The following THSD4 variants were observed in gnomAD, a reference collection of about 807,000 sequenced individuals.
The protein encoded by THSD4 is thrombospondin type-1 domain-containing protein 4.
THSD4 carries 69 observed loss-of-function variants against 119.0 expected under a neutral mutation model. The ratio of observed to expected loss-of-function variants is 0.58; its 90% confidence interval spans 0.48 to 0.71. The LOEUF (loss-of-function observed/expected upper bound fraction) is 0.71. Ranked by LOEUF, THSD4 falls within the 30% of genes least tolerant of loss-of-function variation. THSD4 has a pLI of 0.00. For missense variants in THSD4, 1,393 were observed against 1,391.1 expected (o/e 1.00, Z -0.02); for synonymous variants, 524 against 540.4 (o/e 0.97, Z 0.42).
At chr15:71,721,537 G>C (rs1187823275) in intron 8 of THSD4, among the ~76,000 whole-genome samples, 2 of 149,728 alleles carry the variant, frequency 1.3e-5, no homozygotes, top group Non-Finnish European at 1.5e-5. Flanking sequence ...GGGTATGGTG[G>C]CACATGCCTG....
rs3086728 is a variant in THSD4 at position 71,721,976 on chromosome 15, C to CAA, written c.1358-6562_1358-6561dup. On this transcript the variant is annotated intron_variant, in intron 8 of 17. Coordinates refer to ENST00000261862, the MANE Select transcript of THSD4 (RefSeq NM_024817.3). ...TGGGTGACAGAGTGAGTCCCTGTCTCAAAAAAAAAAAAGGAATAAAACCCA... is the reference window on the plus strand; with the variant it reads ...TGGGTGACAGAGTGAGTCCCTGTCTCAAAAAAAAAAAAAAGGAATAAAACCCA... Among the ~76,000 whole-genome samples, 347 of 141,626 alleles carry CAA rather than the reference C, an allele frequency of 2.5e-3. 2 individuals are homozygous for CAA. Among genetic ancestry groups the CAA allele is most frequent in the African/African-American group, 6.1e-3 (228 of 37,226 alleles). 92.9% of individuals were successfully genotyped at this position (141,626 alleles called of 152,430 possible).
chr15:71,387,154 G>T (rs563481234), intron 6 of THSD4, among the ~76,000 whole-genome samples: 15 of 152,008 alleles, frequency 9.9e-5, no homozygotes, highest in African/African-American at 3.6e-4. Context: ...CACGTTTGAA[G>T]AATGAATAGC....
chr15:71,406,758 C>A (rs1334457904), intron 6 of THSD4, among the ~76,000 whole-genome samples: 1 of 151,498 alleles, frequency 6.6e-6, no homozygotes, highest in African/African-American at 2.4e-5. Context: ...CGACTCACTG[C>A]AACCTCCGCC....
intron 8 of THSD4, among the ~76,000 whole-genome samples, chr15:71,676,396 C>T (rs2051651548): frequency 6.6e-6 from 1 of 152,128 alleles, no homozygotes. Flanking sequence ...ATTCTCCTGC[C>T]TCAGCCTCTT....
chr15:71,741,637 C>T (rs901287680), intron 11 of THSD4, among the ~76,000 whole-genome samples: 2 of 151,940 alleles, frequency 1.3e-5, no homozygotes, highest in African/African-American at 4.8e-5. Flanking sequence ...TGAGCATGCA[C>T]AGGACCCATT....
At chr15:71,509,009 G>A (rs1195398797) in intron 7 of THSD4, among the ~76,000 whole-genome samples, 6 of 149,912 alleles carry the variant, frequency 4.0e-5, no homozygotes, top group Admixed American at 6.7e-5. Flanking sequence ...TTTGGATACC[G>A]AGTTGTAGGA....
chr15:71,760,890 A>G (rs940037345), intron 15 of THSD4, among the ~76,000 whole-genome samples: 2 of 151,660 alleles, frequency 1.3e-5, no homozygotes, highest in African/African-American at 2.4e-5. Context: ...TATTTGAATT[A>G]CTCCATCTTG....
intron 6 of THSD4, among the ~76,000 whole-genome samples, chr15:71,281,773 G>C (rs1259607887): frequency 6.6e-6 from 1 of 152,164 alleles, no homozygotes; most frequent in Non-Finnish European, 1.5e-5. Context: ...ATATATGAAA[G>C]GCACTTGTTC....
intron 7 of THSD4, among the ~76,000 whole-genome samples, chr15:71,487,756 T>C (rs1305752795): frequency 6.6e-6 from 1 of 152,240 alleles, no homozygotes; most frequent in East Asian, 1.9e-4. Flanking sequence ...AATTGACTTA[T>C]ATTTTATCTT....
rs554651472 is a variant in THSD4 at position 71,288,216 on chromosome 15, A to G, written c.1015+31501A>G. Among the ~76,000 whole-genome samples, 20 of 152,350 alleles carry G rather than the reference A, an allele frequency of 1.3e-4. 1 individual carries two copies. In the South Asian group the frequency reaches 4.1e-3, roughly 32 times the overall value. On this transcript the variant is annotated intron_variant, in intron 6 of 17. Transcript: ENST00000261862. ...CAGTCCACAGTAAACACTTAATGTG[A>G]AAAGAGATAACGGCAAACTGGAAAC...
chr15:71,550,372 A>G (rs1298012398), intron 7 of THSD4, among the ~76,000 whole-genome samples: 1 of 152,182 alleles, frequency 6.6e-6, no homozygotes, highest in Non-Finnish European at 1.5e-5. Flanking sequence ...GCAACTAGAA[A>G]TCTGCTACAT....
chr15:71,293,379 C>A (rs1015796029), intron 6 of THSD4, among the ~76,000 whole-genome samples: 1 of 152,146 alleles, frequency 6.6e-6, no homozygotes, highest in Non-Finnish European at 1.5e-5. Context: ...GTGCCCCTTG[C>A]CCTGAGCTCT....
At chr15:71,098,911 C>A (rs1358723509) in intron 1 of THSD4, among the ~76,000 whole-genome samples, 2 of 152,154 alleles carry the variant, frequency 1.3e-5, no homozygotes, top group Non-Finnish European at 2.9e-5. Flanking sequence ...AAATCAGACA[C>A]CTGCAAGCCT....
At chr15:71,764,226 A>G (rs541363114) in intron 15 of THSD4, among the ~76,000 whole-genome samples, 1 of 152,382 alleles carries the variant, frequency 6.6e-6, no homozygotes, top group South Asian at 2.1e-4. Context: ...AGCCTGGGTG[A>G]CAGAGTGAGA....
chr15:71,703,633 A>C (rs1474836109), intron 8 of THSD4, among the ~76,000 whole-genome samples: 1 of 152,106 alleles, frequency 6.6e-6, no homozygotes, highest in Non-Finnish European at 1.5e-5. Flanking sequence ...TGGTGCTCTG[A>C]CACACAGGCA....
chr15:71,124,003 C>CT (rs1396691495), intron 1 of THSD4, among the ~76,000 whole-genome samples: 10 of 152,190 alleles, frequency 6.6e-5, no homozygotes, highest in Admixed American at 3.3e-4. Context: ...TCTCGTGATG[C>CT]TTTTTTGGCT....
Position 71,724,287 on chromosome 15 carries a change from A to ATATATATATATATATATATATAT in THSD4, c.1358-4261_1358-4260insATATATATATATATATATATATT. ...ATGGGATATATATATATATATATAT[A>ATATATATATATATATATATATAT]TTTTTTTTTTCCCCCCAAGATGGAA... On this transcript the variant is annotated intron_variant, in intron 8 of 17. Coordinates refer to ENST00000261862, the MANE Select transcript of THSD4 (RefSeq NM_024817.3). Among the ~76,000 whole-genome samples the ATATATATATATATATATATATAT allele has an allele frequency of 2.0e-3, 74 of 37,206 alleles. 1 individual carries two copies. Among genetic ancestry groups the ATATATATATATATATATATATAT allele is most frequent in the Admixed American group, 6.2e-3 (15 of 2,404 alleles). The allele number at this position is 37,206 out of a possible 152,430, so 24.4% of individuals were successfully genotyped here. A position where few individuals can be genotyped will look rare whatever the true frequency, so the allele number is the denominator to read the frequency against.
At chr15:71,363,020 G>T (rs908809582) in intron 6 of THSD4, among the ~76,000 whole-genome samples, 1 of 149,614 alleles carries the variant, frequency 6.7e-6, no homozygotes, top group Non-Finnish European at 1.5e-5. Flanking sequence ...AATGTTTTAA[G>T]AAAGCTCTTG....
intron 3 of THSD4, among the ~76,000 whole-genome samples, chr15:71,192,165 A>ATAC (rs1327790632): frequency 3.9e-5 from 6 of 151,954 alleles, no homozygotes; most frequent in African/African-American, 1.4e-4. Flanking sequence ...GCCTCCCAAA[A>ATAC]TACTGGGATT....
Sources: gnomAD v4.1 joint callset for allele counts (sites outside exome capture counted in the v4.1 genomes callset) on GRCh38, gnomAD v4.1.1 for gene constraint, MANE v1.5 for transcripts, NCBI Gene and HGNC (gene_info 2026-07-23, HGNC 2026-07-21) for gene names.